PAPPA: variants seen among roughly 807,000 people sequenced by gnomAD.
The protein encoded by PAPPA is pappalysin-1.
In PAPPA, 60 loss-of-function variants were observed where a neutral mutation model predicts 164.0. That is an observed-to-expected ratio of 0.37 (90% confidence interval 0.30 to 0.45). PAPPA has a LOEUF of 0.45. PAPPA is among the 20% of genes least tolerant of loss of function. The pLI is 1.00. For missense variants in PAPPA, 1,782 were observed against 2,087.3 expected, an observed-to-expected ratio of 0.85 and a Z score of 2.85; for synonymous variants, 875 against 814.1, an observed-to-expected ratio of 1.07 and a Z score of -1.27.
chr9:116,256,205 G>A (rs1387221945), intron 7 of PAPPA, among the ~76,000 whole-genome samples: 1 of 151,624 alleles, frequency 6.6e-6, no homozygotes, highest in Non-Finnish European at 1.5e-5. Flanking sequence ...ACAACCTAAG[G>A]GCTTTTTACT....
chr9:116,332,034 A>AT (rs923015701), intron 11 of PAPPA, among the ~76,000 whole-genome samples: 6 of 150,794 alleles, frequency 4.0e-5, no homozygotes, highest in African/African-American at 7.3e-5. Context: ...TGATTTTTTT[A>AT]TTTTTTTTTA....
chr9:116,376,021 ATTTTTT>A (rs34549794), intron 19 of PAPPA, among the ~76,000 whole-genome samples: 2 of 135,696 alleles, frequency 1.5e-5, no homozygotes, highest in African/African-American at 5.4e-5. Context: ...AACTTCCAGG[ATTTTTT>A]TTTTTTTTTT....
At chr9:116,302,342 C>T (rs1235285269) in intron 9 of PAPPA, among the ~76,000 whole-genome samples, 2 of 152,060 alleles carry the variant, frequency 1.3e-5, no homozygotes, top group African/African-American at 4.8e-5. Context: ...TTTCATGTTG[C>T]ACAATTGAAA....
intron 1 of PAPPA, among the ~76,000 whole-genome samples, chr9:116,158,249 C>T (rs925506687): frequency 6.6e-5 from 10 of 152,130 alleles, no homozygotes; most frequent in Admixed American, 6.5e-4. Flanking sequence ...CTAGTATCCA[C>T]CCAACCCTCA....
chr9:116,367,247 T>A (rs1434265161), intron 18 of PAPPA, among the ~76,000 whole-genome samples: 1 of 152,128 alleles, frequency 6.6e-6, no homozygotes, highest in Non-Finnish European at 1.5e-5. Context: ...CCAAGTGTAG[T>A]TCAGTCCGGT....
intron 10 of PAPPA, among the ~76,000 whole-genome samples, chr9:116,309,532 T>C (rs1297879915): frequency 1.3e-5 from 2 of 152,292 alleles, no homozygotes; most frequent in East Asian, 3.9e-4. Flanking sequence ...CGTACACTTA[T>C]GATGCAGTGT....
intron 13 of PAPPA, among the ~76,000 whole-genome samples, chr9:116,341,033 T>TATTG (rs1381018394): frequency 6.6e-6 from 1 of 151,570 alleles, no homozygotes; most frequent in Non-Finnish European, 1.5e-5. Context: ...TTTTTTGTTT[T>TATTG]ATTTATTTAT....
chr9:116,169,867 G>T (rs1433253140), intron 1 of PAPPA, among the ~76,000 whole-genome samples: 2 of 151,922 alleles, frequency 1.3e-5, no homozygotes, highest in Non-Finnish European at 2.9e-5. Flanking sequence ...GAGGCCAAGA[G>T]TGGGGTCTCA....
chr9:116,353,744 A>T lies in PAPPA; in HGVS notation c.4298A>T (p.Gln1433Leu). The T allele has an allele frequency of 6.2e-7, 1 of 1,614,138 alleles. No homozygotes were observed. The highest frequency in any genetic ancestry group is 8.5e-7 in the Non-Finnish European group (1 of 1,179,998). ...CTCTACCAGTGTACTAATGGCTTCCAGTTCAACAGTGAGTGTAGGATCAAG... is the reference window on the plus strand; with the variant it reads ...CTCTACCAGTGTACTAATGGCTTCCTGTTCAACAGTGAGTGTAGGATCAAG... The part of the protein sequence containing the change: ...HGLYQCTNGF[Q>L]FNSECRIKCE... The change falls in exon 17 of 22, where the codon CAG becomes CTG. Residue 1433 changes from glutamine to leucine, a missense_variant. Physicochemically the swap from Gln to Leu is moderately radical, Grantham distance 113 (BLOSUM62 -2). Coordinates refer to ENST00000328252, the MANE Select transcript of PAPPA (RefSeq NM_002581.5).
At chr9:116,305,636 T>C (rs1399378347) in intron 10 of PAPPA, among the ~76,000 whole-genome samples, 1 of 152,188 alleles carries the variant, frequency 6.6e-6, no homozygotes, top group African/African-American at 2.4e-5. Context: ...CCAATCCCCT[T>C]GTCATTCTTC....
At position 116,352,719 on chromosome 9, in the gene PAPPA, C is replaced by T. The variant is rs1268040726; in HGVS notation, c.3978C>T (p.Leu1326=). The T allele has an allele frequency of 6.2e-7, 1 of 1,612,814 alleles. No individual in the cohort carries two copies. The highest frequency in any genetic ancestry group is 1.1e-5 in the South Asian group (1 of 91,018). The change falls in exon 16 of 22, where the codon CTC becomes CTT. Residue 1326 remains leucine (L), a synonymous_variant. Coordinates refer to ENST00000328252, the MANE Select transcript of PAPPA (RefSeq NM_002581.5). ...HPAQLKGNNS[L]LTCMEDGLWS... The stretch of plus-strand genomic sequence containing the variant: ...TATGTCTTCCAGGCAACAACAGCCT[C>T]CTGACCTGCATGGAGGATGGGCTGT...
intron 18 of PAPPA, among the ~76,000 whole-genome samples, chr9:116,365,194 C>T (rs918897059): frequency 1.3e-5 from 2 of 152,238 alleles, no homozygotes; most frequent in Admixed American, 6.5e-5. Flanking sequence ...AGATATGTGT[C>T]GGGCTTGGGG....
intron 2 of PAPPA, among the ~76,000 whole-genome samples, chr9:116,204,079 T>A (rs2118667586): frequency 6.6e-6 from 1 of 152,154 alleles, no homozygotes; most frequent in South Asian, 2.1e-4. Context: ...GACCAGGATA[T>A]GGGGGGCTCA....
At chr9:116,174,651 G>A (rs1843811069) in intron 1 of PAPPA, among the ~76,000 whole-genome samples, 2 of 151,910 alleles carry the variant, frequency 1.3e-5, no homozygotes, top group South Asian at 4.2e-4. Flanking sequence ...CAGTACTTTT[G>A]TTAAACTACA....
chr9:116,235,047 C>G, intron 6 of PAPPA, 92 bp from the exon 7 acceptor site: 1 of 1,461,660 alleles, frequency 6.8e-7, no homozygotes, highest in Admixed American at 1.7e-5. Flanking sequence ...AAGTTCTAGT[C>G]AGACCAATTT....
chr9:116,189,562 G>A (rs560904897), intron 2 of PAPPA, among the ~76,000 whole-genome samples: 3 of 152,300 alleles, frequency 2.0e-5, no homozygotes, highest in African/African-American at 7.2e-5. Flanking sequence ...CTCTGCCATT[G>A]CTGTCAGTTG....
chr9:116,294,373 A>T (rs1186916071), intron 9 of PAPPA, among the ~76,000 whole-genome samples: 1 of 152,184 alleles, frequency 6.6e-6, no homozygotes, highest in Non-Finnish European at 1.5e-5. Flanking sequence ...TAGCAGATTC[A>T]TGGTTCCTTA....
chr9:116,322,798 G>T (rs1397825495), intron 10 of PAPPA, among the ~76,000 whole-genome samples: 1 of 152,054 alleles, frequency 6.6e-6, no homozygotes. Flanking sequence ...GTGTGTGTGT[G>T]TCTGTGTTTG....
chr9:116,309,950 C>T (rs897642476), intron 10 of PAPPA, among the ~76,000 whole-genome samples: 3 of 152,192 alleles, frequency 2.0e-5, no homozygotes, highest in African/African-American at 7.2e-5. Context: ...TAATATTCCT[C>T]TCTCAAAATG....
Sources: allele counts gnomAD v4.1 joint callset (sites outside exome capture counted in the v4.1 genomes callset), GRCh38; gene constraint gnomAD v4.1.1; transcripts MANE v1.5; gene names NCBI Gene and HGNC (gene_info 2026-07-23, HGNC 2026-07-21).